GRAMD1B: variants seen among roughly 807,000 people sequenced by gnomAD.
The protein encoded by GRAMD1B is protein Aster-B.
GRAMD1B carries 37 observed loss-of-function variants against 99.7 expected under a neutral mutation model. The observed-to-expected ratio is 0.37, with a 90% CI of 0.29 to 0.49. The LOEUF (loss-of-function observed/expected upper bound fraction) is 0.49, where lower values mean the gene tolerates loss of function less well. Among genes scored for constraint, GRAMD1B ranks in the 20% least tolerant of loss-of-function variants. The pLI, the probability that GRAMD1B is intolerant of heterozygous loss-of-function variation, is 0.98. For missense variants in GRAMD1B, 888 were observed against 1,009.2 expected (o/e 0.88, Z 1.63); for synonymous variants, 427 against 387.6 (o/e 1.10, Z -1.19).
intron 14 of GRAMD1B, among the ~76,000 whole-genome samples, chr11:123,612,117 C>A (rs1447827370): frequency 6.6e-6 from 1 of 151,840 alleles, no homozygotes; most frequent in Non-Finnish European, 1.5e-5. Context: ...GACAGGATCT[C>A]ACTCTCTTCC....
rs531868571 is a variant in GRAMD1B at position 123,433,333 on chromosome 11, G to A, written c.374+2167G>A. 4.6e-3 allele frequency among the ~76,000 whole-genome samples: 703 copies of A among 152,202 alleles called. 2 individuals are homozygous for A. Among genetic ancestry groups the A allele is most frequent in the South Asian group, 0.017 (80 of 4,820 alleles). On this transcript the variant is annotated intron_variant, in intron 1 of 19. Coordinates refer to ENST00000635736, the MANE Select transcript of GRAMD1B (RefSeq NM_001387025.1). The stretch of plus-strand genomic sequence containing the variant: ...GTGGAGGTTGCAGTGAGCCAAGATC[G>A]CGCCATTGCACTCCAGCCTGGGCAA...
intron 4 of GRAMD1B, among the ~76,000 whole-genome samples, chr11:123,592,811 C>T (rs1465869817): frequency 1.3e-5 from 2 of 152,142 alleles, no homozygotes; most frequent in South Asian, 2.1e-4. Context: ...TGGGTGTCTC[C>T]GTTTGGCCGT....
intron 1 of GRAMD1B, among the ~76,000 whole-genome samples, chr11:123,370,379 C>G (rs1410768650): frequency 7.7e-6 from 1 of 130,444 alleles, no homozygotes; most frequent in Non-Finnish European, 1.5e-5. Context: ...CTCACTCTGT[C>G]GCCCAGGCTG....
chr11:123,482,857 G>A (rs144561210), intron 2 of GRAMD1B, among the ~76,000 whole-genome samples: 9,539 of 152,112 alleles, frequency 0.063, 382 homozygotes, highest in Middle Eastern at 0.11. Flanking sequence ...CCAGGAGTTC[G>A]AGACCAGCCT....
chr11:123,523,684 T>A (rs1339555459), intron 2 of GRAMD1B, among the ~76,000 whole-genome samples: 1 of 151,814 alleles, frequency 6.6e-6, no homozygotes, highest in Non-Finnish European at 1.5e-5. Flanking sequence ...GAGAATACAG[T>A]ATTCACGTGT....
At chr11:123,390,657 T>C (rs904181104) in intron 1 of GRAMD1B, among the ~76,000 whole-genome samples, 3 of 152,226 alleles carry the variant, frequency 2.0e-5, no homozygotes, top group Non-Finnish European at 4.4e-5. Context: ...CCAGGTAATT[T>C]TTCTAGTTTT....
chr11:123,443,294 TG>T (rs1336954591), intron 1 of GRAMD1B, among the ~76,000 whole-genome samples: 2 of 152,110 alleles, frequency 1.3e-5, no homozygotes, highest in East Asian at 3.9e-4. Context: ...TAGGTGTAGA[TG>T]AAAAAAGTCA....
intron 14 of GRAMD1B, 27 bp from the exon 15 acceptor site, chr11:123,612,734 T>C: frequency 1.5e-6 from 2 of 1,327,484 alleles, no homozygotes; most frequent in East Asian, 2.4e-5. Flanking sequence ...AGGAAATGAC[T>C]GATCTTGTGT....
At chr11:123,584,064 A>G (rs1949769315) in intron 3 of GRAMD1B, among the ~76,000 whole-genome samples, 1 of 151,974 alleles carries the variant, frequency 6.6e-6, no homozygotes. Context: ...GTTGAGCTCT[A>G]GCTGGTGCTG....
rs1350514468 is a variant in GRAMD1B, at chr11:123,609,660, C to T, written c.1658-135C>T. On this transcript the variant is annotated intron_variant, in intron 12 of 19. Coordinates refer to ENST00000635736, the MANE Select transcript of GRAMD1B (RefSeq NM_001387025.1). ...CTCTTCCCACCCTCCCCCCGGCCCT[C>T]GGGCTCCCATTGGCTTCCTTTTGGG... The T allele has an allele frequency of 3.3e-5, 20 of 604,144 alleles. No homozygotes were observed. The East Asian group carries it at 4.0e-4, about 12-fold the overall frequency. The allele number at this position is 604,144 out of a possible 1,614,324, so 37.4% of individuals were successfully genotyped here.
chr11:123,605,414 T>A lies in GRAMD1B; in HGVS notation c.1259T>A (p.Leu420Gln), dbSNP rs1952578441. 1.2e-6 allele frequency: 2 copies of A among 1,613,512 alleles called. No individual in the cohort carries two copies. The highest frequency in any genetic ancestry group is 4.5e-5 in the East Asian group (2 of 44,860). Reference sequence around the variant, plus strand: ...ACCAAGCCAGATGCCAGTCCACAGCTGCCCAAGAAATCCATCACCAACAGC... The same window carrying A: ...ACCAAGCCAGATGCCAGTCCACAGCAGCCCAAGAAATCCATCACCAACAGC... ...IETKPDASPQ[L>Q]PKKSITNSTL... is the part of the protein sequence containing the mutation. The change falls in exon 10 of 20, where the codon CTG becomes CAG. Residue 420 changes from leucine to glutamine, a missense_variant. Leu to Gln is a moderately radical substitution (Grantham distance 113). Coordinates refer to ENST00000635736, the MANE Select transcript of GRAMD1B (RefSeq NM_001387025.1).
intron 1 of GRAMD1B, among the ~76,000 whole-genome samples, chr11:123,374,983 A>T (rs985219238): frequency 2.0e-5 from 3 of 152,184 alleles, no homozygotes; most frequent in Non-Finnish European, 4.4e-5. Context: ...CCTTATCATC[A>T]TCGTCACTAA....
At chr11:123,503,099 AC>A (rs1940053116) in intron 2 of GRAMD1B, among the ~76,000 whole-genome samples, 1 of 152,218 alleles carries the variant, frequency 6.6e-6, no homozygotes, top group African/African-American at 2.4e-5. Context: ...GATTGTTTGT[AC>A]TGTCATTCCG....
intron 1 of GRAMD1B, among the ~76,000 whole-genome samples, chr11:123,415,767 A>C (rs1948214697): frequency 6.6e-6 from 1 of 152,156 alleles, no homozygotes; most frequent in African/African-American, 2.4e-5. Flanking sequence ...CTTTGTCATT[A>C]TGCCTCATAG....
intron 1 of GRAMD1B, among the ~76,000 whole-genome samples, chr11:123,393,751 T>A (rs1947358935): frequency 6.6e-6 from 1 of 152,204 alleles, no homozygotes; most frequent in South Asian, 2.1e-4. Flanking sequence ...CCCCTGTTGG[T>A]TACCCAGGTC....
chr11:123,529,691 C>T (rs988183810), intron 2 of GRAMD1B, among the ~76,000 whole-genome samples: 10 of 152,142 alleles, frequency 6.6e-5, no homozygotes, highest in Admixed American at 4.6e-4. Flanking sequence ...ACCAATCTTC[C>T]GCAGCTTCTA....
intron 2 of GRAMD1B, among the ~76,000 whole-genome samples, chr11:123,554,324 A>G (rs1160786658): frequency 6.6e-6 from 1 of 152,154 alleles, no homozygotes; most frequent in Non-Finnish European, 1.5e-5. Context: ...GCTCATCCAT[A>G]TAGTAGTGTA....
rs565541743 is a variant in GRAMD1B, at chr11:123,625,338, A to C, written c.*2743A>C. On this transcript the variant is annotated 3_prime_UTR_variant, in exon 20 of 20. Transcript: ENST00000635736. ...CACAGGAGTCTTTCTGTAATGACTT[A>C]TGTGGTAAAATGTTTGAGAGTTTGC... 6.6e-6 allele frequency: 1 copy of C among 152,216 alleles called. No individual in the cohort carries two copies. The highest frequency in any genetic ancestry group is 6.5e-5 in the Admixed American group (1 of 15,290). The allele number at this position is 152,216 out of a possible 1,614,324, so 9.4% of individuals were successfully genotyped here.
At chr11:123,553,683 C>T (rs1409184967) in intron 2 of GRAMD1B, among the ~76,000 whole-genome samples, 1 of 152,122 alleles carries the variant, frequency 6.6e-6, no homozygotes, top group Non-Finnish European at 1.5e-5. Flanking sequence ...ATTTGGACAC[C>T]CCTGAACCAG....
Sources: allele counts gnomAD v4.1 joint callset (sites outside exome capture counted in the v4.1 genomes callset), GRCh38; gene constraint gnomAD v4.1.1; transcripts MANE v1.5; gene names NCBI Gene and HGNC (gene_info 2026-07-23, HGNC 2026-07-21).